Variants in DTNA observed in about 807,000 individuals in gnomAD.
DTNA encodes dystrobrevin alpha, also known as dystrophin-related protein 3.
DTNA carries 43 observed loss-of-function variants against 100.7 expected under a neutral mutation model. The ratio of observed to expected loss-of-function variants is 0.43; its 90% CI spans 0.33 to 0.55. The LOEUF (loss-of-function observed/expected upper bound fraction) is 0.55, where lower values mean the gene tolerates loss of function less well. Among genes scored for constraint, DTNA ranks in the 20% least tolerant of loss-of-function variants. The pLI, the probability that DTNA is intolerant of heterozygous loss-of-function variation, is 0.04. For missense variants in DTNA, 798 were observed against 953.9 expected, an observed-to-expected ratio of 0.84 and a Z score of 2.15; for synonymous variants, 349 against 347.9, an observed-to-expected ratio of 1.00 and a Z score of -0.04.
intron 1 of DTNA, among the ~76,000 whole-genome samples, chr18:34,623,531 AT>A (rs1212347068): frequency 1.3e-5 from 2 of 152,220 alleles, no homozygotes; most frequent in Admixed American, 6.5e-5. Flanking sequence ...GCTCAAGGGC[AT>A]TTTTATATTC....
chr18:34,714,370 TCAAA>T (rs1449140309), intron 1 of DTNA, among the ~76,000 whole-genome samples: 1 of 145,778 alleles, frequency 6.9e-6, no homozygotes, highest in Non-Finnish European at 1.5e-5. Flanking sequence ...TACAATGAAC[TCAAA>T]CAAATTTACA....
At chr18:34,689,765 G>A (rs1373134542) in intron 1 of DTNA, among the ~76,000 whole-genome samples, 1 of 152,218 alleles carries the variant, frequency 6.6e-6, no homozygotes, top group Non-Finnish European at 1.5e-5. Flanking sequence ...TCCCCCAGGT[G>A]CTCTGTTCCA....
rs1451623058 is a variant in DTNA, at chr18:34,890,004, A to T, written c.*2270A>T. The T allele has an allele frequency of 2.5e-6, 3 of 1,214,570 alleles. No homozygotes were observed. In the African/African-American group the frequency reaches 4.6e-5, roughly 19 times the overall value. 75.2% of individuals were successfully genotyped at this position (1,214,570 alleles called of 1,614,324 possible). ...CATCCCAGCTACCTATAATGCTGTC[A>T]GCTCAAAATCATAGCCAGGTAGTTC... On this transcript the variant is annotated 3_prime_UTR_variant, in exon 23 of 23. Coordinates refer to ENST00000444659, the MANE Select transcript of DTNA (RefSeq NM_001386795.1).
At chr18:34,501,634 C>T (rs1395350496) in intron 1 of DTNA, among the ~76,000 whole-genome samples, 10 of 151,988 alleles carry the variant, frequency 6.6e-5, no homozygotes, top group South Asian at 2.1e-4. Context: ...TTACGGGACT[C>T]GATTTCTTTA....
chr18:34,556,760 C>T (rs2046102725), intron 1 of DTNA, among the ~76,000 whole-genome samples: 1 of 152,012 alleles, frequency 6.6e-6, no homozygotes, highest in South Asian at 2.1e-4. Context: ...TGATGGGCTT[C>T]CCTTTGAGGG....
intron 5 of DTNA, among the ~76,000 whole-genome samples, chr18:34,806,577 T>C (rs1325621398): frequency 6.6e-6 from 1 of 152,236 alleles, no homozygotes; most frequent in Non-Finnish European, 1.5e-5. Context: ...AAGCACTCTT[T>C]GCAGTTAATT....
chr18:34,549,154 G>T (rs1021565600), intron 1 of DTNA, among the ~76,000 whole-genome samples: 1 of 151,978 alleles, frequency 6.6e-6, no homozygotes, highest in Non-Finnish European at 1.5e-5. Context: ...GGTCAGCAGA[G>T]CATTGTCATT....
At chr18:34,650,469 G>A (rs757360434) in intron 1 of DTNA, among the ~76,000 whole-genome samples, 8 of 152,098 alleles carry the variant, frequency 5.3e-5, no homozygotes, top group Non-Finnish European at 1.2e-4. Flanking sequence ...CTCCTTTTGA[G>A]ACACAGTCTT....
At chr18:34,718,677 G>A (rs1270141635) in intron 1 of DTNA, among the ~76,000 whole-genome samples, 1 of 152,148 alleles carries the variant, frequency 6.6e-6, no homozygotes, top group African/African-American at 2.4e-5. Flanking sequence ...TGGAGGAGGT[G>A]GAGTATGGTC....
rs1452808296 is a variant in DTNA, at chr18:34,889,512, C to G, written c.*1778C>G. The stretch of plus-strand genomic sequence containing the variant: ...CTGTGATTCACTTTTGCTTCTGGGG[C>G]TGGCAAAAACCTTCTCTGAACCCAC... On this transcript the variant is annotated 3_prime_UTR_variant, in exon 23 of 23. Coordinates refer to ENST00000444659, the MANE Select transcript of DTNA (RefSeq NM_001386795.1). 4.1e-6 allele frequency: 4 copies of G among 985,312 alleles called. No homozygotes were observed. In the Admixed American group the frequency reaches 2.5e-4, roughly 61 times the overall value. The allele number at this position is 985,312 out of a possible 1,614,324, so 61.0% of individuals were successfully genotyped here.
At position 34,824,960 on chromosome 18, in the gene DTNA, C is replaced by T. The variant is rs1631899; in HGVS notation, c.1002-2633C>T. Among the ~76,000 whole-genome samples, 988 of 110,476 alleles carry T rather than the reference C, an allele frequency of 8.9e-3. 7 individuals are homozygous for T. The highest frequency in any genetic ancestry group is 0.015 in the South Asian group (56 of 3,760). 72.5% of individuals were successfully genotyped at this position (110,476 alleles called of 152,430 possible). ...AAAAAAAAAAAAAAAAAAATTAAAT[C>T]AATAGGATTTTTAAACAGGTTGCGG... On this transcript the variant is annotated intron_variant, in intron 9 of 22. Coordinates refer to ENST00000444659, the MANE Select transcript of DTNA (RefSeq NM_001386795.1).
chr18:34,639,309 C>T (rs765926715), intron 1 of DTNA, among the ~76,000 whole-genome samples: 4 of 152,184 alleles, frequency 2.6e-5, no homozygotes, highest in Non-Finnish European at 4.4e-5. Flanking sequence ...ATAGCATCAC[C>T]CTGTCTCCAG....
chr18:34,746,483 A>G (rs1287894427), intron 1 of DTNA, among the ~76,000 whole-genome samples: 1 of 152,092 alleles, frequency 6.6e-6, no homozygotes, highest in African/African-American at 2.4e-5. Flanking sequence ...GTATAATATT[A>G]TTGCTAGTGA....
chr18:34,624,741 C>T (rs1417182646), intron 1 of DTNA, among the ~76,000 whole-genome samples: 1 of 152,190 alleles, frequency 6.6e-6, no homozygotes, highest in East Asian at 1.9e-4. Context: ...GTGACTCATC[C>T]AGAGCTCACA....
intron 14 of DTNA, 61 bp from the exon 15 acceptor site, chr18:34,851,770 C>A: frequency 6.4e-7 from 1 of 1,554,594 alleles, no homozygotes; most frequent in Non-Finnish European, 8.9e-7. Context: ...TGACTCCTGC[C>A]TTCCCAAATA....
chr18:34,749,289 C>G (rs1471767459), intron 1 of DTNA, among the ~76,000 whole-genome samples: 1 of 152,076 alleles, frequency 6.6e-6, no homozygotes, highest in Non-Finnish European at 1.5e-5. Flanking sequence ...TTTCTTCTTT[C>G]CAATTTGTAT....
chr18:34,784,201 C>T (rs1169880619), intron 3 of DTNA, among the ~76,000 whole-genome samples: 1 of 152,112 alleles, frequency 6.6e-6, no homozygotes, highest in East Asian at 1.9e-4. Context: ...AATTAACTCA[C>T]ATAGTAGTCT....
chr18:34,686,740 A>G (rs1289254891), intron 1 of DTNA, among the ~76,000 whole-genome samples: 1 of 152,154 alleles, frequency 6.6e-6, no homozygotes, highest in Non-Finnish European at 1.5e-5. Context: ...TACCTCTGGT[A>G]GAATTTGGCT....
In DTNA at chr18:34,889,473, A is replaced by G. The variant is rs1568921892; in HGVS notation, c.*1739A>G. The G allele has an allele frequency of 1.0e-6, 1 of 985,416 alleles. No homozygotes were observed. Among genetic ancestry groups the G allele is most frequent in the Non-Finnish European group, 1.2e-6 (1 of 829,936 alleles). 61.0% of individuals were successfully genotyped at this position (985,416 alleles called of 1,614,324 possible). ...TCTCTGAAAAGGCCTTATTCAGAATAAGCAAGAAAGGTTCTGTGATTCACT... is the reference window on the plus strand; with the variant it reads ...TCTCTGAAAAGGCCTTATTCAGAATGAGCAAGAAAGGTTCTGTGATTCACT... On this transcript the variant is annotated 3_prime_UTR_variant, in exon 23 of 23. Coordinates refer to ENST00000444659, the MANE Select transcript of DTNA (RefSeq NM_001386795.1).
Sources: allele counts gnomAD v4.1 joint callset (sites outside exome capture counted in the v4.1 genomes callset), GRCh38; gene constraint gnomAD v4.1.1; transcripts MANE v1.5; gene names NCBI Gene and HGNC (gene_info 2026-07-23, HGNC 2026-07-21).